Variants in TASP1 observed in about 807,000 individuals in gnomAD.
TASP1 encodes the protein taspase 1.
Under a neutral mutation model 56.6 loss-of-function variants are expected in TASP1, and 16 were observed. That is an observed-to-expected ratio of 0.28 (90% CI 0.19 to 0.43). The LOEUF (loss-of-function observed/expected upper bound fraction) is 0.43, where lower values mean the gene tolerates loss of function less well. Ranked by LOEUF, TASP1 falls within the 20% of genes least tolerant of loss-of-function variation. The probability of loss-of-function intolerance (pLI) is 1.00; values close to 1 mark genes in which losing one functional copy is unlikely to be tolerated. For synonymous variants in TASP1, 179 were observed against 184.2 expected (o/e 0.97, Z 0.23); for missense variants, 393 against 511.6 (o/e 0.77, Z 2.24).
intron 11 of TASP1, among the ~76,000 whole-genome samples, chr20:13,470,470 C>A (rs552269522): frequency 4.2e-4 from 64 of 152,208 alleles, no homozygotes; most frequent in African/African-American, 1.5e-3. Context: ...ATCCACCTAC[C>A]CACTTAAATG....
At chr20:13,293,474 T>G in the TASP1 span, among the ~76,000 whole-genome samples, 1 of 151,912 alleles carries the variant, frequency 6.6e-6, no homozygotes, top group Admixed American at 6.6e-5. Context: ...CTGCCCTGCC[T>G]CCTCAGTCAA....
the TASP1 span, among the ~76,000 whole-genome samples, chr20:13,295,726 G>T: frequency 3.0e-4 from 45 of 152,352 alleles, 1 homozygote; most frequent in South Asian, 9.1e-3. Context: ...AGGAAGGCAG[G>T]CTCAGCCATG....
chr20:13,464,603 C>A (rs1468678563), intron 11 of TASP1, among the ~76,000 whole-genome samples: 2 of 152,138 alleles, frequency 1.3e-5, no homozygotes, highest in Non-Finnish European at 2.9e-5. Context: ...CATGCTACAA[C>A]TTGGATGAAC....
At chr20:13,533,793 A>C (rs1300755951) in intron 9 of TASP1, among the ~76,000 whole-genome samples, 1 of 152,166 alleles carries the variant, frequency 6.6e-6, no homozygotes, top group Non-Finnish European at 1.5e-5. Context: ...AAAGGAGAAA[A>C]ACTAGGATCA....
intron 13 of TASP1, among the ~76,000 whole-genome samples, chr20:13,415,669 A>T (rs2042231230): frequency 6.6e-6 from 1 of 152,154 alleles, no homozygotes; most frequent in South Asian, 2.1e-4. Flanking sequence ...GAGGCCAAAT[A>T]TCTTCGGGCT....
chr20:13,457,818 A>C (rs2043902345), intron 11 of TASP1, among the ~76,000 whole-genome samples: 1 of 152,158 alleles, frequency 6.6e-6, no homozygotes, highest in South Asian at 2.1e-4. Flanking sequence ...CTGAATTATC[A>C]CACTAATTTT....
At chr20:13,455,021 G>A (rs2043774887) in intron 11 of TASP1, among the ~76,000 whole-genome samples, 1 of 152,046 alleles carries the variant, frequency 6.6e-6, no homozygotes, top group African/African-American at 2.4e-5. Flanking sequence ...CACATGTCTA[G>A]GAGCCTTGGG....
chr20:13,428,997 G>T (rs2042710072), intron 12 of TASP1, among the ~76,000 whole-genome samples: 1 of 152,180 alleles, frequency 6.6e-6, no homozygotes, highest in Admixed American at 6.5e-5. Flanking sequence ...CAATCTGGTG[G>T]TATGATTCTT....
At chr20:13,118,496 AG>A in the TASP1 span, among the ~76,000 whole-genome samples, 1 of 151,958 alleles carries the variant, frequency 6.6e-6, no homozygotes, top group African/African-American at 2.4e-5. Flanking sequence ...GAAATTTAAA[AG>A]GAGGGAAAGG....
At chr20:13,242,032 T>C in the TASP1 span, among the ~76,000 whole-genome samples, 1 of 152,026 alleles carries the variant, frequency 6.6e-6, no homozygotes, top group Admixed American at 6.6e-5. Flanking sequence ...GGTGAGAAAA[T>C]GGCAGTGGCT....
At chr20:13,266,468 T>C in the TASP1 span, among the ~76,000 whole-genome samples, 1 of 152,174 alleles carries the variant, frequency 6.6e-6, no homozygotes, top group Non-Finnish European at 1.5e-5. Context: ...TCAGTGGTAG[T>C]CACAGCTCTG....
chr20:13,567,141 AT>A (rs1482895285), intron 7 of TASP1, among the ~76,000 whole-genome samples: 8 of 152,150 alleles, frequency 5.3e-5, no homozygotes, highest in Non-Finnish European at 1.0e-4. Flanking sequence ...ATGGATGGAG[AT>A]GGCCATTATC....
chr20:13,215,079 C>T, the TASP1 span, among the ~76,000 whole-genome samples: 12 of 152,138 alleles, frequency 7.9e-5, no homozygotes, highest in African/African-American at 2.4e-4. Context: ...AGGATACATG[C>T]TGTTTTCTAT....
At chr20:13,213,000 C>T in the TASP1 span, among the ~76,000 whole-genome samples, 4 of 152,088 alleles carry the variant, frequency 2.6e-5, no homozygotes, top group South Asian at 2.1e-4. Context: ...ACCAGCCAGT[C>T]GCAAAGCTAT....
chr20:13,373,740 T>C, the TASP1 span, among the ~76,000 whole-genome samples: 1 of 151,964 alleles, frequency 6.6e-6, no homozygotes, highest in Non-Finnish European at 1.5e-5. Flanking sequence ...ATAATGGATC[T>C]CTCTGTTTCC....
chr20:13,253,207 GT>G, the TASP1 span, among the ~76,000 whole-genome samples: 7 of 152,306 alleles, frequency 4.6e-5, no homozygotes, highest in African/African-American at 1.7e-4. Context: ...CACCTTCAGG[GT>G]TTTTGATCTT....
At chr20:13,120,706 T>C in the TASP1 span, among the ~76,000 whole-genome samples, 1 of 152,224 alleles carries the variant, frequency 6.6e-6, no homozygotes, top group Admixed American at 6.5e-5. Flanking sequence ...AGTATGACGA[T>C]ACTACTAGAG....
chr20:13,555,589 CT>C (rs1184396759), intron 8 of TASP1, among the ~76,000 whole-genome samples: 1 of 152,074 alleles, frequency 6.6e-6, no homozygotes, highest in Non-Finnish European at 1.5e-5. Flanking sequence ...AGTTCTCTTG[CT>C]ACTTCCACCA....
intron 4 of TASP1, among the ~76,000 whole-genome samples, chr20:13,606,739 G>A (rs1458481421): frequency 6.6e-5 from 10 of 151,416 alleles, no homozygotes; most frequent in Admixed American, 2.0e-4. Flanking sequence ...CCCAGGAGGC[G>A]GAGCTTGCAG....
Sources: gnomAD v4.1 joint callset for allele counts (sites outside exome capture counted in the v4.1 genomes callset) on GRCh38, gnomAD v4.1.1 for gene constraint, MANE v1.5 for transcripts, NCBI Gene and HGNC (gene_info 2026-07-23, HGNC 2026-07-21) for gene names.